Variants in ANKRD62 observed in about 807,000 individuals in gnomAD.
ANKRD62 encodes the protein ankyrin repeat domain-containing protein 62.
In ANKRD62, 61 loss-of-function variants were observed where a neutral mutation model predicts 98.8. The observed-to-expected ratio is 0.62, with a 90% CI of 0.50 to 0.76. The LOEUF (loss-of-function observed/expected upper bound fraction) is 0.76. Ranked by LOEUF, ANKRD62 falls within the 30% of genes least tolerant of loss-of-function variation. The probability of loss-of-function intolerance (pLI) is 0.00; values close to 1 mark genes in which losing one functional copy is unlikely to be tolerated. For synonymous variants in ANKRD62, 341 were observed against 367.9 expected (o/e 0.93, Z 0.84); for missense variants, 933 against 1,082.9 (o/e 0.86, Z 1.94).
the ANKRD62 span, among the ~76,000 whole-genome samples, chr18:12,138,272 C>T: frequency 1.3e-5 from 2 of 152,308 alleles, no homozygotes; most frequent in African/African-American, 4.8e-5. Flanking sequence ...TTTCAAAGAA[C>T]ATCTTTATTT....
the ANKRD62 span, among the ~76,000 whole-genome samples, chr18:12,157,378 A>G: frequency 1.3e-5 from 2 of 152,130 alleles, no homozygotes. Context: ...ACCAGGCCCT[A>G]TCCTCGCCCC....
the ANKRD62 span, among the ~76,000 whole-genome samples, chr18:12,155,302 A>T: frequency 2.0e-5 from 3 of 152,114 alleles, no homozygotes; most frequent in Non-Finnish European, 4.4e-5. Context: ...GTGAGTCTCC[A>T]CATCCTTTTC....
At chr18:12,099,556 TA>T in intron 5 of ANKRD62, 58 bp from the exon 6 acceptor site, 1 of 1,094,036 alleles carries the variant, frequency 9.1e-7, no homozygotes, top group South Asian at 1.9e-5. Flanking sequence ...ATGTATTTGG[TA>T]AAGTTTTTCA....
chr18:12,165,108 G>T, the ANKRD62 span, among the ~76,000 whole-genome samples: 1 of 151,294 alleles, frequency 6.6e-6, no homozygotes, highest in African/African-American at 2.4e-5. Context: ...CGCTTTTTTG[G>T]TTTCCTTTGC....
At chr18:12,167,416 C>A in the ANKRD62 span, among the ~76,000 whole-genome samples, 4 of 152,010 alleles carry the variant, frequency 2.6e-5, no homozygotes, top group Non-Finnish European at 5.9e-5. Context: ...ATAGTTTGCT[C>A]AGAATGATGA....
chr18:12,101,192 T>C (rs923171814), intron 6 of ANKRD62, among the ~76,000 whole-genome samples: 3 of 152,232 alleles, frequency 2.0e-5, no homozygotes, highest in Non-Finnish European at 4.4e-5. Flanking sequence ...TTCTTTTTTT[T>C]AATTATACAA....
the ANKRD62 span, among the ~76,000 whole-genome samples, chr18:12,137,922 T>C: frequency 6.6e-6 from 1 of 152,230 alleles, no homozygotes; most frequent in Non-Finnish European, 1.5e-5. Context: ...TGCATCTATT[T>C]GATTCTTCTG....
chr18:12,139,743 TG>T, the ANKRD62 span, among the ~76,000 whole-genome samples: 1 of 152,182 alleles, frequency 6.6e-6, no homozygotes, highest in Non-Finnish European at 1.5e-5. Context: ...CTTCCCTTTG[TG>T]GGTAACCCGA....
downstream of ANKRD62, among the ~76,000 whole-genome samples, chr18:12,133,343 T>C (rs1005444781): frequency 6.6e-6 from 1 of 152,202 alleles, no homozygotes; most frequent in African/African-American, 2.4e-5. Context: ...TTTCCAGGTT[T>C]TAACTATTAT....
At chr18:12,145,126 C>CGTGCTGTGCT in the ANKRD62 span, among the ~76,000 whole-genome samples, 16 of 151,456 alleles carry the variant, frequency 1.1e-4, no homozygotes, top group South Asian at 6.3e-4. Flanking sequence ...ACAGCTGTGT[C>CGTGCTGTGCT]GTGCTGTGCT....
chr18:12,154,933 G>C, the ANKRD62 span, among the ~76,000 whole-genome samples: 1 of 152,146 alleles, frequency 6.6e-6, no homozygotes, highest in Admixed American at 6.5e-5. Flanking sequence ...ACTCATGAAC[G>C]CAGAGAAGGG....
intron 6 of ANKRD62, among the ~76,000 whole-genome samples, chr18:12,101,066 C>G (rs1020556461): frequency 6.6e-6 from 1 of 152,134 alleles, no homozygotes; most frequent in African/African-American, 2.4e-5. Context: ...AAATATGCCA[C>G]AGCACTCTCC....
At chr18:12,161,657 C>A in the ANKRD62 span, among the ~76,000 whole-genome samples, 8 of 152,220 alleles carry the variant, frequency 5.3e-5, no homozygotes, top group East Asian at 1.2e-3. Flanking sequence ...CATTAACCAA[C>A]TCCCATCTCC....
chr18:12,139,777 A>C, the ANKRD62 span, among the ~76,000 whole-genome samples: 2 of 152,042 alleles, frequency 1.3e-5, no homozygotes, highest in African/African-American at 2.4e-5. Context: ...GCTGCCCTTA[A>C]CATTTTTTCC....
chr18:12,175,868 A>T, the ANKRD62 span, among the ~76,000 whole-genome samples: 1 of 151,904 alleles, frequency 6.6e-6, no homozygotes, highest in Non-Finnish European at 1.5e-5. Flanking sequence ...TTCACTTTTC[A>T]ATCTCAGGAT....
chr18:12,132,753 T>C (rs1403681140), downstream of ANKRD62, among the ~76,000 whole-genome samples: 1 of 152,182 alleles, frequency 6.6e-6, no homozygotes, highest in African/African-American at 2.4e-5. Flanking sequence ...TTTTATGTTG[T>C]TAATGTAATT....
chr18:12,102,758 TAAG>T lies in ANKRD62; in HGVS notation c.821-396_821-394del, dbSNP rs1474314687. ...CAGTCATATTGGAAGTTACTCATAA[TAAG>T]AAGCAGGTTTAGTGTGTTATTATAA... On this transcript the variant is annotated intron_variant, in intron 6 of 13. Coordinates refer to ENST00000587848, the MANE Select transcript of ANKRD62 (RefSeq NM_001277333.2). The T allele has an allele frequency of 9.9e-5, 99 of 1,002,818 alleles. No homozygotes were observed. The Admixed American group carries it at 3.1e-3, about 32-fold the overall frequency. The allele number at this position is 1,002,818 out of a possible 1,614,324, so 62.1% of individuals were successfully genotyped here.
At chr18:12,153,661 G>A in the ANKRD62 span, among the ~76,000 whole-genome samples, 1 of 151,398 alleles carries the variant, frequency 6.6e-6, no homozygotes, top group African/African-American at 2.4e-5. Flanking sequence ...AGAAAAGCTG[G>A]AATAACCAAG....
rs1404793172 is a variant in ANKRD62, at chr18:12,122,475, G to A, written c.1413G>A (p.Glu471=). Residue 471 remains glutamate, a synonymous_variant, in exon 11 of 14, where the codon GAG becomes GAA. Coordinates refer to ENST00000587848, the MANE Select transcript of ANKRD62 (RefSeq NM_001277333.2). The part of the protein sequence containing the change: ...SETDKTKSQS[E]HQNLQGKKKL... ...CAGACAAAACCAAATCACAGTCAGAGCATCAGAATCTTCAAGGGAAAAAAA... is the reference window on the plus strand; with the variant it reads ...CAGACAAAACCAAATCACAGTCAGAACATCAGAATCTTCAAGGGAAAAAAA... 2.0e-6 allele frequency: 3 copies of A among 1,533,272 alleles called. No individual in the cohort carries two copies. In the Admixed American group the frequency reaches 5.9e-5, roughly 30 times the overall value. The allele number at this position is 1,533,272 out of a possible 1,614,324, so 95.0% of individuals were successfully genotyped here.
Sources: gnomAD v4.1 joint callset for allele counts (sites outside exome capture counted in the v4.1 genomes callset) on GRCh38, gnomAD v4.1.1 for gene constraint, MANE v1.5 for transcripts, NCBI Gene and HGNC (gene_info 2026-07-23, HGNC 2026-07-21) for gene names.